The following TMPRSS11B variants were observed in gnomAD, a reference collection of about 807,000 sequenced individuals.
TMPRSS11B encodes the protein transmembrane serine protease 11B.
TMPRSS11B carries 53 observed loss-of-function variants against 44.7 expected under a neutral mutation model. That is an observed-to-expected ratio of 1.19 (90% CI 0.95 to 1.49). The LOEUF is 1.49. Among genes scored for constraint, TMPRSS11B ranks in the 40% most tolerant of loss-of-function variants. The pLI is 0.00. For missense variants in TMPRSS11B, 526 were observed against 494.8 expected (o/e 1.06, Z -0.60); for synonymous variants, 140 against 159.2 (o/e 0.88, Z 0.91).
chr4:68,245,055 G>A (rs1387960019), intron 1 of TMPRSS11B, among the ~76,000 whole-genome samples: 2 of 152,124 alleles, frequency 1.3e-5, no homozygotes, highest in East Asian at 3.8e-4. Flanking sequence ...TCTACAGAAA[G>A]GAAGTCATTG....
chr4:68,236,236 T>G lies in TMPRSS11B; in HGVS notation c.155A>C (p.His52Pro), dbSNP rs1378016370. ...EKTYYYQGDFHISGVTYNDNC... is the reference protein window; with the variant it reads ...EKTYYYQGDFPISGVTYNDNC... ...ATCATTGTATGTGACTCCAGAAATA[T>G]GAAAATCACCTTGATAATAGTAAGT... Residue 52 changes from histidine (H) to proline (P), a missense_variant, in exon 3 of 10, where the codon CAT becomes CCT. His to Pro is a moderately conservative substitution (Grantham distance 77). Coordinates refer to ENST00000332644, the MANE Select transcript of TMPRSS11B (RefSeq NM_182502.3). 6.2e-7 allele frequency: 1 copy of G among 1,611,168 alleles called. No homozygotes were observed. Among genetic ancestry groups the G allele is most frequent in the Non-Finnish European group, 8.5e-7 (1 of 1,178,534 alleles).
rs1469134424 is a variant in TMPRSS11B, at chr4:68,232,293, C to G, written c.508+85G>C. On this transcript the variant is annotated intron_variant, in intron 6 of 9. Coordinates refer to ENST00000332644, the MANE Select transcript of TMPRSS11B (RefSeq NM_182502.3). ...AGCGTGTTATGGGATTTCCACATGA[C>G]ATATTTCAAGTATTTTTAATAGAAA... 6 of 1,300,798 alleles carry G rather than the reference C, an allele frequency of 4.6e-6. No individual in the cohort carries two copies. The African/African-American group carries it at 9.0e-5, about 19-fold the overall frequency. The allele number at this position is 1,300,798 out of a possible 1,614,324, so 80.6% of individuals were successfully genotyped here. A position where few individuals can be genotyped will look rare whatever the true frequency, so the allele number is the denominator to read the frequency against.
intron 1 of TMPRSS11B, 55 bp downstream of exon 1, chr4:68,245,496 A>G: frequency 6.3e-7 from 1 of 1,585,540 alleles, no homozygotes; most frequent in Non-Finnish European, 8.7e-7. Context: ...GAACATACTT[A>G]ATGGCAACTT....
intron 1 of TMPRSS11B, among the ~76,000 whole-genome samples, 196 bp from the exon 2 acceptor site, chr4:68,242,000 G>A (rs1428779617): frequency 6.6e-6 from 1 of 150,474 alleles, no homozygotes; most frequent in African/African-American, 2.4e-5. Flanking sequence ...TTGATCCCAG[G>A]TTAGCTGCTG....
Position 68,229,180 on chromosome 4 carries a change from A to ATGAT in TMPRSS11B, c.946+73_946+76dup, listed in dbSNP as rs201568602. ...ACTGATTGATTAATTGCATGAGGGGATGATTGATTGATTGATTGATTGATT... is the reference window on the plus strand; with the variant it reads ...ACTGATTGATTAATTGCATGAGGGGATGATTGATTGATTGATTGATTGATTGATT... On this transcript the variant is annotated intron_variant, in intron 8 of 9. Coordinates refer to ENST00000332644, the MANE Select transcript of TMPRSS11B (RefSeq NM_182502.3). 379 of 1,289,430 alleles carry ATGAT rather than the reference A, an allele frequency of 2.9e-4. 3 individuals carry two copies. The African/African-American group carries it at 3.2e-3, about 11-fold the overall frequency. The allele number at this position is 1,289,430 out of a possible 1,614,324, so 79.9% of individuals were successfully genotyped here. A position where few individuals can be genotyped will look rare whatever the true frequency, so the allele number is the denominator to read the frequency against.
intron 2 of TMPRSS11B, among the ~76,000 whole-genome samples, chr4:68,238,131 C>A (rs1719725670): frequency 6.6e-6 from 1 of 152,162 alleles, no homozygotes; most frequent in East Asian, 1.9e-4. Context: ...TTAACATACA[C>A]CATGTAGTCT....
intron 8 of TMPRSS11B, 142 bp from the exon 9 acceptor site, chr4:68,229,026 G>A: frequency 2.0e-6 from 2 of 1,001,398 alleles, no homozygotes; most frequent in South Asian, 3.5e-5. Context: ...TCAGGTGTTT[G>A]TAATAGTTGG....
intron 9 of TMPRSS11B, 31 bp from the exon 10 acceptor site, chr4:68,228,103 G>T: frequency 6.4e-7 from 1 of 1,557,838 alleles, no homozygotes; most frequent in South Asian, 1.2e-5. Flanking sequence ...AATGTTTCTT[G>T]TCTTAACAAA....
chr4:68,229,650 A>G, intron 7 of TMPRSS11B, 134 bp from the exon 8 acceptor site: 1 of 739,872 alleles, frequency 1.4e-6, no homozygotes. Flanking sequence ...TATTTTGAAA[A>G]CTATCTTTGA....
intron 2 of TMPRSS11B, 63 bp downstream of exon 2, chr4:68,241,626 T>C (rs1719823851): frequency 9.7e-7 from 1 of 1,032,728 alleles, no homozygotes; most frequent in Non-Finnish European, 1.4e-6. Context: ...TGTTGTTTTT[T>C]TTCAATTTTT....
chr4:68,228,684 TAAA>T, intron 9 of TMPRSS11B, 55 bp downstream of exon 9: 1 of 1,541,962 alleles, frequency 6.5e-7, no homozygotes, highest in East Asian at 2.3e-5. Context: ...TTTATGTGGA[TAAA>T]AACTTCCATT....
intron 2 of TMPRSS11B, among the ~76,000 whole-genome samples, chr4:68,238,026 T>A (rs578240519): frequency 6.6e-6 from 1 of 152,010 alleles, no homozygotes; most frequent in South Asian, 2.1e-4. Context: ...TCAAAAAAAA[T>A]AAAATAAAAA....
At chr4:68,242,365 T>A (rs1229343514) in intron 1 of TMPRSS11B, among the ~76,000 whole-genome samples, 1 of 56,974 alleles carries the variant, frequency 1.8e-5, no homozygotes, top group Non-Finnish European at 3.3e-5. Flanking sequence ...TATTATATTA[T>A]ATATAATATT....
intron 2 of TMPRSS11B, among the ~76,000 whole-genome samples, chr4:68,240,191 G>C (rs1192111051): frequency 6.6e-6 from 1 of 152,128 alleles, no homozygotes; most frequent in Non-Finnish European, 1.5e-5. Flanking sequence ...ACTTAAATGA[G>C]AGATTACAGT....
intron 4 of TMPRSS11B, 38 bp from the exon 5 acceptor site, chr4:68,234,661 G>A: frequency 6.2e-7 from 1 of 1,601,548 alleles, no homozygotes; most frequent in Non-Finnish European, 8.5e-7. Context: ...ACTGTTTCTT[G>A]ATCTTTTAGA....
At chr4:68,245,084 G>A (rs1286706323) in intron 1 of TMPRSS11B, among the ~76,000 whole-genome samples, 1 of 152,110 alleles carries the variant, frequency 6.6e-6, no homozygotes, top group Admixed American at 6.6e-5. Flanking sequence ...ATGAAGTTTT[G>A]AGAACCTGCA....
At chr4:68,239,817 C>T (rs1284493730) in intron 2 of TMPRSS11B, among the ~76,000 whole-genome samples, 3 of 152,104 alleles carry the variant, frequency 2.0e-5, no homozygotes, top group African/African-American at 7.2e-5. Context: ...GATCAGCTAA[C>T]CTAAGGGTAG....
chr4:68,242,984 T>C (rs1291854766), intron 1 of TMPRSS11B, among the ~76,000 whole-genome samples: 1 of 152,196 alleles, frequency 6.6e-6, no homozygotes, highest in African/African-American at 2.4e-5. Context: ...TTAGAAAATA[T>C]GGTGGTTCGG....
rs1288929082 is a variant in TMPRSS11B at position 68,242,235 on chromosome 4, TA to T, written c.9-432del. ...ATATATAATATTATATTATATTATA[TA>T]TATTATATTATATATATTATAATAT... On this transcript the variant is annotated intron_variant, in intron 1 of 9. Coordinates refer to ENST00000332644, the MANE Select transcript of TMPRSS11B (RefSeq NM_182502.3). Among the ~76,000 whole-genome samples the T allele has an allele frequency of 4.7e-4, 39 of 82,594 alleles. 1 individual carries two copies. Among genetic ancestry groups the T allele is most frequent in the African/African-American group, 2.2e-3 (38 of 17,640 alleles). 54.2% of individuals were successfully genotyped at this position (82,594 alleles called of 152,430 possible).
Sources: gnomAD v4.1 joint callset for allele counts (sites outside exome capture counted in the v4.1 genomes callset) on GRCh38, gnomAD v4.1.1 for gene constraint, MANE v1.5 for transcripts, NCBI Gene and HGNC (gene_info 2026-07-23, HGNC 2026-07-21) for gene names.